PRPF8: variants seen among roughly 807,000 people sequenced by gnomAD.
PRPF8 encodes pre-mRNA processing factor 8.
PRPF8 carries 64 observed loss-of-function variants against 285.9 expected under a neutral mutation model. The observed-to-expected ratio is 0.22, with a 90% CI of 0.18 to 0.28. The LOEUF (loss-of-function observed/expected upper bound fraction) is 0.28, where lower values mean the gene tolerates loss of function less well. Ranked by LOEUF, PRPF8 falls within the 10% of genes least tolerant of loss-of-function variation. The pLI is 1.00. For missense variants in PRPF8, 1,426 were observed against 3,026.7 expected (o/e 0.47, Z 12.41); for synonymous variants, 1,325 against 1,118.2 (o/e 1.18, Z -3.69).
intron 24 of PRPF8, among the ~76,000 whole-genome samples, chr17:1,671,745 G>A (rs1038475425): frequency 2.6e-5 from 4 of 151,774 alleles, no homozygotes; most frequent in African/African-American, 7.3e-5. Context: ...CAGCTACTCA[G>A]GAGGCTGAGG....
At chr17:1,655,223 G>A in intron 37 of PRPF8, 127 bp downstream of exon 37, 1 of 1,044,756 alleles carries the variant, frequency 9.6e-7, no homozygotes, top group South Asian at 1.4e-5. Flanking sequence ...CTCCCAAAGT[G>A]CTGGGATTAC....
Position 1,684,827 on chromosome 17 carries a change from G to T in PRPF8, c.-59C>A, listed in dbSNP as rs987826695. On this transcript the variant is annotated 5_prime_UTR_variant, in exon 1 of 43. Coordinates refer to ENST00000304992, the MANE Select transcript of PRPF8 (RefSeq NM_006445.4). The stretch of plus-strand genomic sequence containing the variant: ...GCCGCTTTCCCCGCAGCGCAATGGC[G>T]GCCAGACTGCGTCCGCTCCGCGTTC... 23 of 597,140 alleles carry T rather than the reference G, an allele frequency of 3.9e-5. No individual in the cohort carries two copies. Among genetic ancestry groups the T allele is most frequent in the Non-Finnish European group, 6.3e-5 (21 of 334,554 alleles). The allele number at this position is 597,140 out of a possible 1,614,324, so 37.0% of individuals were successfully genotyped here.
At chr17:1,655,289 C>G (rs1467154007) in intron 37 of PRPF8, 61 bp downstream of exon 37, 1 of 1,594,832 alleles carries the variant, frequency 6.3e-7, no homozygotes, top group East Asian at 2.2e-5. Context: ...TAAGTGCTTC[C>G]AAAAAACCCC....
At chr17:1,655,788 G>A (rs1164167489) in intron 36 of PRPF8, among the ~76,000 whole-genome samples, 3 of 151,870 alleles carry the variant, frequency 2.0e-5, no homozygotes, top group African/African-American at 4.8e-5. Context: ...CACCACGCCC[G>A]GCTAATTTTT....
At chr17:1,660,937 C>A in intron 28 of PRPF8, 56 bp downstream of exon 28, 2 of 1,612,608 alleles carry the variant, frequency 1.2e-6, no homozygotes, top group Non-Finnish European at 1.7e-6. Context: ...CAGAGGCATA[C>A]AAGAGATGAG....
chr17:1,656,493 TGA>T lies in PRPF8; in HGVS notation c.5690_5691del (p.Leu1897GlnfsTer11). On this transcript the variant is annotated frameshift_variant, in exon 36 of 43. Transcript: ENST00000304992. LOFTEE classifies it high-confidence loss of function. ...SELQLPFQAC[L>X]KVEKFGDLIL... ...ATGAGATCCCCGAATTTTTCCACCTTGAGACACGCCTGGAAAGGGAGTTGGAG... is the reference window on the plus strand; with the variant it reads ...ATGAGATCCCCGAATTTTTCCACCTTGACACGCCTGGAAAGGGAGTTGGAG... 6.2e-7 allele frequency: 1 copy of T among 1,612,338 alleles called. No individual in the cohort carries two copies. Among genetic ancestry groups the T allele is most frequent in the Non-Finnish European group, 8.5e-7 (1 of 1,178,342 alleles).
intron 24 of PRPF8, among the ~76,000 whole-genome samples, chr17:1,672,469 G>A (rs1249301616): frequency 2.0e-5 from 3 of 152,138 alleles, no homozygotes; most frequent in Non-Finnish European, 4.4e-5. Flanking sequence ...TAGCAGAGAC[G>A]AGGTTTCAGA....
chr17:1,658,933 G>A lies in PRPF8; in HGVS notation c.5139-170C>T. ...AATCAGTGACCCATAGGAGGAATGG[G>A]CCACTTCCTCTCACTTAGGTAAAGT... On this transcript the variant is annotated intron_variant, in intron 32 of 42. Coordinates refer to ENST00000304992, the MANE Select transcript of PRPF8 (RefSeq NM_006445.4). This position sits in a 1 kb window ranked among gnomAD's most constrained non-coding sequence, Gnocchi z 4.1. 1.4e-6 allele frequency: 1 copy of A among 720,396 alleles called. No homozygotes were observed. Among genetic ancestry groups the A allele is most frequent in the South Asian group, 1.5e-5 (1 of 67,250 alleles). The allele number at this position is 720,396 out of a possible 1,614,324, so 44.6% of individuals were successfully genotyped here. A position where few individuals can be genotyped will look rare whatever the true frequency, so the allele number is the denominator to read the frequency against.
In PRPF8 at chr17:1,679,604, C is replaced by T. The variant is rs1912796854; in HGVS notation, c.1289+5G>A. 5.0e-6 allele frequency: 8 copies of T among 1,613,152 alleles called. No individual in the cohort carries two copies. The highest frequency in any genetic ancestry group is 6.8e-6 in the Non-Finnish European group (8 of 1,179,922). ...CATTCCCCCTGCCACAGGGAAAAACCTTACCAGTTCTTGACAAGGGGTATG... is the reference window on the plus strand; with the variant it reads ...CATTCCCCCTGCCACAGGGAAAAACTTTACCAGTTCTTGACAAGGGGTATG... On this transcript the variant is annotated splice_donor_5th_base_variant and intron_variant, in intron 9 of 42. Transcript: ENST00000304992. The surrounding 1 kb of genome is among the most constrained non-coding windows in gnomAD (Gnocchi z 4.7).
chr17:1,653,731 G>T lies in PRPF8; in HGVS notation c.6227+46C>A. ...AGCATCGCTCAGCCCAGCACCTTAG[G>T]TAGTGCAGCCGGCCTTTCCATCCCC... On this transcript the variant is annotated intron_variant, in intron 38 of 42. Transcript: ENST00000304992. The surrounding 1 kb of genome is among the most constrained non-coding windows in gnomAD (Gnocchi z 4.9). 1 of 1,614,130 alleles carries T rather than the reference G, an allele frequency of 6.2e-7. No individual in the cohort carries two copies. Among genetic ancestry groups the T allele is most frequent in the South Asian group, 1.1e-5 (1 of 91,074 alleles).
chr17:1,679,236 A>G lies in PRPF8; in HGVS notation c.1410-30T>C. On this transcript the variant is annotated intron_variant, in intron 10 of 42. Transcript: ENST00000304992. This position sits in a 1 kb window ranked among gnomAD's most constrained non-coding sequence, Gnocchi z 4.7. Reference sequence around the variant, plus strand: ...GGTGGGAACATGGAGAGTAAGAGTCAGCCTACTGATATCTCTGGAACAGAA... The same window carrying G: ...GGTGGGAACATGGAGAGTAAGAGTCGGCCTACTGATATCTCTGGAACAGAA... The G allele has an allele frequency of 1.2e-6, 2 of 1,614,210 alleles. No individual in the cohort carries two copies. Among genetic ancestry groups the G allele is most frequent in the Non-Finnish European group, 1.7e-6 (2 of 1,180,038 alleles).
intron 37 of PRPF8, 179 bp from the exon 38 acceptor site, chr17:1,654,195 C>T: frequency 1.1e-6 from 1 of 886,700 alleles, no homozygotes; most frequent in East Asian, 2.4e-5. Context: ...CAAGATTCGT[C>T]AGATCCAAGC....
In PRPF8 at chr17:1,679,538, T is replaced by G; in HGVS notation, c.1289+71A>C. The G allele has an allele frequency of 6.3e-7, 1 of 1,599,766 alleles. No homozygotes were observed. The stretch of plus-strand genomic sequence containing the variant: ...AAAAGAATTTAAAAAAAAGGCTACA[T>G]GCCCACCTAGTTGGAGTCTTTTCTC... On this transcript the variant is annotated intron_variant, in intron 9 of 42. Transcript: ENST00000304992. The surrounding 1 kb of genome is among the most constrained non-coding windows in gnomAD (Gnocchi z 4.7).
At chr17:1,680,480 G>A (rs1912852455) in intron 8 of PRPF8, 1 of 589,804 alleles carries the variant, frequency 1.7e-6, no homozygotes, top group Non-Finnish European at 3.0e-6. Flanking sequence ...AGACAGACCG[G>A]GACAGATTAT....
Position 1,674,613 on chromosome 17 carries a change from T to C in PRPF8, c.3128A>G (p.Tyr1043Cys). The C allele has an allele frequency of 2.5e-6, 4 of 1,614,140 alleles. No individual in the cohort carries two copies. Among genetic ancestry groups the C allele is most frequent in the Non-Finnish European group, 1.7e-6 (2 of 1,180,036 alleles). The part of the protein sequence containing the change: ...GLQFASFIVQ[Y>C]YGLVMDLLVL... ...AAGCAAATCCATCACCAGGCCATAA[T>C]ACTGCACGATGAATGAGGCAAACTG... The change falls in exon 21 of 43, where the codon TAT becomes TGT. Residue 1043 changes from tyrosine to cysteine, a missense_variant. Coordinates refer to ENST00000304992, the MANE Select transcript of PRPF8 (RefSeq NM_006445.4).
chr17:1,663,212 T>C (rs145857119), intron 24 of PRPF8, among the ~76,000 whole-genome samples: 99 of 151,616 alleles, frequency 6.5e-4, no homozygotes, highest in African/African-American at 2.2e-3. Context: ...AAAAAAACCA[T>C]GTAGCCAAAT....
rs955702344 is a variant in PRPF8, at chr17:1,657,403, TGA to T, written c.5506-644_5506-643del. On this transcript the variant is annotated intron_variant, in intron 34 of 42. Coordinates refer to ENST00000304992, the MANE Select transcript of PRPF8 (RefSeq NM_006445.4). ...GCTCAAGCCTGTAATCCCAGCACTT[TGA>T]GAGGCCAAGGCGGGCGGATCACGAG... Among the ~76,000 whole-genome samples the T allele has an allele frequency of 3.3e-5, 5 of 152,116 alleles. No individual in the cohort carries two copies. The East Asian group carries it at 5.8e-4, about 18-fold the overall frequency.
Position 1,653,430 on chromosome 17 carries a change from C to T in PRPF8, c.6369+112G>A. ...TTTTGGCTATCCTTGTATAATTACT[C>T]ATCCATGAATCTTGAAACCAGCATC... On this transcript the variant is annotated intron_variant, in intron 39 of 42. Transcript: ENST00000304992. The surrounding 1 kb of genome is among the most constrained non-coding windows in gnomAD (Gnocchi z 4.9). 1 of 1,441,038 alleles carries T rather than the reference C, an allele frequency of 6.9e-7. No individual in the cohort carries two copies. The highest frequency in any genetic ancestry group is 2.0e-4 in the Middle Eastern group (1 of 5,000). The allele number at this position is 1,441,038 out of a possible 1,614,324, so 89.3% of individuals were successfully genotyped here.
In PRPF8 at chr17:1,651,827, T is replaced by A; in HGVS notation, c.6370-39A>T. The stretch of plus-strand genomic sequence containing the variant: ...GGTCAGGAACCAAAACTCTTCTTAG[T>A]ACCAGGTCAGAGTTGGAGCTGCCAG... On this transcript the variant is annotated intron_variant, in intron 39 of 42. Transcript: ENST00000304992. This position sits in a 1 kb window ranked among gnomAD's most constrained non-coding sequence, Gnocchi z 5.1. 6.2e-7 allele frequency: 1 copy of A among 1,609,982 alleles called. No homozygotes were observed. The highest frequency in any genetic ancestry group is 8.5e-7 in the Non-Finnish European group (1 of 1,176,716).
Sources: gnomAD v4.1 joint callset for allele counts (sites outside exome capture counted in the v4.1 genomes callset) on GRCh38, gnomAD v4.1.1 for gene constraint, Gnocchi (gnomAD v3.1) non-coding constraint, MANE v1.5 for transcripts, NCBI Gene and HGNC (gene_info 2026-07-23, HGNC 2026-07-21) for gene names.